Variants in ATP2A2 observed in about 807,000 individuals in gnomAD.
ATP2A2 encodes ATPase sarcoplasmic/endoplasmic reticulum Ca2+ transporting 2.
Under a neutral mutation model 109.3 loss-of-function variants are expected in ATP2A2, and 14 were observed. That is an observed-to-expected ratio of 0.13 (90% confidence interval 0.08 to 0.20). The LOEUF (loss-of-function observed/expected upper bound fraction) is 0.20, where lower values mean the gene tolerates loss of function less well. ATP2A2 is among the 10% of genes least tolerant of loss of function. The pLI, the probability that ATP2A2 is intolerant of heterozygous loss-of-function variation, is 1.00. For synonymous variants in ATP2A2, 506 were observed against 490.9 expected, an observed-to-expected ratio of 1.03 and a Z score of -0.41; for missense variants, 657 against 1,321.6, an observed-to-expected ratio of 0.50 and a Z score of 7.80.
intron 5 of ATP2A2, among the ~76,000 whole-genome samples, chr12:110,318,635 G>A (rs1876917741): frequency 1.3e-5 from 2 of 152,054 alleles, no homozygotes; most frequent in East Asian, 1.9e-4. Flanking sequence ...CACCACACCC[G>A]GCTAATTTTT....
intron 4 of ATP2A2, among the ~76,000 whole-genome samples, chr12:110,294,471 C>A (rs1873744335): frequency 6.6e-6 from 1 of 152,014 alleles, no homozygotes; most frequent in African/African-American, 2.4e-5. Context: ...ACCAGCCTGG[C>A]CAACATGGCA....
intron 5 of ATP2A2, among the ~76,000 whole-genome samples, chr12:110,321,554 G>A (rs1877247752): frequency 1.3e-5 from 2 of 152,034 alleles, no homozygotes; most frequent in South Asian, 2.1e-4. Flanking sequence ...CACTGCAACC[G>A]TCTGAGTAGC....
At chr12:110,311,361 G>A (rs534177976) in intron 5 of ATP2A2, among the ~76,000 whole-genome samples, 2 of 152,158 alleles carry the variant, frequency 1.3e-5, no homozygotes, top group South Asian at 2.1e-4. Flanking sequence ...AGGCGGAGGC[G>A]GGTGGATCAC....
In ATP2A2 at chr12:110,340,553, A is replaced by G. The variant is rs1214912411; in HGVS notation, c.1762-106A>G. 6.9e-6 allele frequency: 9 copies of G among 1,297,708 alleles called. No homozygotes were observed. The highest frequency in any genetic ancestry group is 9.7e-6 in the Non-Finnish European group (9 of 924,306). 80.4% of individuals were successfully genotyped at this position (1,297,708 alleles called of 1,614,324 possible). A position where few individuals can be genotyped will look rare whatever the true frequency, so the allele number is the denominator to read the frequency against. On this transcript the variant is annotated intron_variant, in intron 13 of 19. Transcript: ENST00000539276. The surrounding 1 kb of genome is among the most constrained non-coding windows in gnomAD (Gnocchi z 6.0). ...AACTCCGCCTCAAAAAAAAAAAAAGAAAAAAAATGCAGAAACCTGTCTCAA... is the reference window on the plus strand; with the variant it reads ...AACTCCGCCTCAAAAAAAAAAAAAGGAAAAAAATGCAGAAACCTGTCTCAA...
At chr12:110,326,319 A>G in intron 6 of ATP2A2, 71 bp from the exon 7 acceptor site, 5 of 1,387,896 alleles carry the variant, frequency 3.6e-6, no homozygotes, top group Non-Finnish European at 5.1e-6. Context: ...ATGGGTGGGC[A>G]TGAATGAGAG....
At position 110,347,683 on chromosome 12, in the gene ATP2A2, G is replaced by T; in HGVS notation, c.*1213G>T. ...CACTAACCACCACCACCGTTACTAC[G>T]ATCAATGTTTGCGCATGTTCGAGAT... is the stretch of plus-strand genomic sequence containing the variant. On this transcript the variant is annotated 3_prime_UTR_variant, in exon 20 of 20. Transcript: ENST00000539276. 8.5e-7 allele frequency: 1 copy of T among 1,169,928 alleles called. No individual in the cohort carries two copies. Among genetic ancestry groups the T allele is most frequent in the Non-Finnish European group, 1.1e-6 (1 of 931,874 alleles). The allele number at this position is 1,169,928 out of a possible 1,614,324, so 72.5% of individuals were successfully genotyped here. A position where few individuals can be genotyped will look rare whatever the true frequency, so the allele number is the denominator to read the frequency against.
At position 110,347,426 on chromosome 12, in the gene ATP2A2, G is replaced by C. The variant is rs889880809; in HGVS notation, c.*956G>C. ...TCAGAACTTTAGTTGTACTCTGCTT[G>C]AGGGGAAGAAGGCTCCTGCTCTGCT... On this transcript the variant is annotated 3_prime_UTR_variant, in exon 20 of 20. Transcript: ENST00000539276. The C allele has an allele frequency of 7.8e-7, 1 of 1,289,068 alleles. No homozygotes were observed. The highest frequency in any genetic ancestry group is 1.0e-6 in the Non-Finnish European group (1 of 988,692). The allele number at this position is 1,289,068 out of a possible 1,614,324, so 79.9% of individuals were successfully genotyped here.
rs1566243365 is a variant in ATP2A2, at chr12:110,346,190, C to T, written c.2860-11C>T. Reference sequence around the variant, plus strand: ...AGGCTGGAGGCGTGACACGTCTTCCCTGTGTGTCAGCTCATCTTCCAGATC... The same window carrying T: ...AGGCTGGAGGCGTGACACGTCTTCCTTGTGTGTCAGCTCATCTTCCAGATC... On this transcript the variant is annotated splice_polypyrimidine_tract_variant and intron_variant, in intron 19 of 19. Coordinates refer to ENST00000539276, the MANE Select transcript of ATP2A2 (RefSeq NM_170665.4). 1 of 1,614,054 alleles carries T rather than the reference C, an allele frequency of 6.2e-7. No individual in the cohort carries two copies. Among genetic ancestry groups the T allele is most frequent in the Non-Finnish European group, 8.5e-7 (1 of 1,180,044 alleles).
chr12:110,338,422 G>A (rs900643524), intron 11 of ATP2A2, among the ~76,000 whole-genome samples: 2 of 152,160 alleles, frequency 1.3e-5, no homozygotes, highest in Admixed American at 1.3e-4. Context: ...TTAAGTCAGT[G>A]TCATTATACT....
rs1878464731 is a variant in ATP2A2, at chr12:110,332,697, T to C, written c.1184+12T>C. 1 of 1,587,058 alleles carries C rather than the reference T, an allele frequency of 6.3e-7. No individual in the cohort carries two copies. The highest frequency in any genetic ancestry group is 1.1e-5 in the South Asian group (1 of 90,520). Reference sequence around the variant, plus strand: ...CCTATTGGAGAAGTGTGAGTAACCCTCCTCCTCATTTAAAGGATCTGGTGT... The same window carrying C: ...CCTATTGGAGAAGTGTGAGTAACCCCCCTCCTCATTTAAAGGATCTGGTGT... On this transcript the variant is annotated intron_variant, in intron 9 of 19. Transcript: ENST00000539276.
At position 110,342,837 on chromosome 12, in the gene ATP2A2, C is replaced by G. The variant is rs1879484690; in HGVS notation, c.2318+389C>G. On this transcript the variant is annotated intron_variant, in intron 15 of 19. Transcript: ENST00000539276. This position sits in a 1 kb window ranked among gnomAD's most constrained non-coding sequence, Gnocchi z 4.6. Reference sequence around the variant, plus strand: ...GTGGCACGATCTCAGCTCACTGTCCCCTCCACCTCCTGGGTTCAAGCCTCC... The same window carrying G: ...GTGGCACGATCTCAGCTCACTGTCCGCTCCACCTCCTGGGTTCAAGCCTCC... Among the ~76,000 whole-genome samples the G allele has an allele frequency of 6.6e-6, 1 of 152,140 alleles. No individual in the cohort carries two copies. The highest frequency in any genetic ancestry group is 1.5e-5 in the Non-Finnish European group (1 of 68,026).
chr12:110,342,451 A>G lies in ATP2A2; in HGVS notation c.2318+3A>G, dbSNP rs201126870. On this transcript the variant is annotated splice_donor_region_variant and intron_variant, in intron 15 of 19. Coordinates refer to ENST00000539276, the MANE Select transcript of ATP2A2 (RefSeq NM_170665.4). This position sits in a 1 kb window ranked among gnomAD's most constrained non-coding sequence, Gnocchi z 4.6. ...TCCAACGTCGGGGAAGTTGTCTGGT[A>G]GGTCTCTGTGACAGCATCACTTACT... The G allele has an allele frequency of 6.1e-4, 989 of 1,612,922 alleles. 1 individual carries two copies. The highest frequency in any genetic ancestry group is 8.1e-4 in the Non-Finnish European group (956 of 1,179,846).
rs398021049 is a variant in ATP2A2 at position 110,293,870 on chromosome 12, A to ATT, written c.324+1770_324+1771dup. Among the ~76,000 whole-genome samples, 357 of 73,304 alleles carry ATT rather than the reference A, an allele frequency of 4.9e-3. 27 individuals are homozygous for ATT. The highest frequency in any genetic ancestry group is 0.021 in the African/African-American group (342 of 16,190). 48.1% of individuals were successfully genotyped at this position (73,304 alleles called of 152,430 possible). A position where few individuals can be genotyped will look rare whatever the true frequency, so the allele number is the denominator to read the frequency against. On this transcript the variant is annotated intron_variant, in intron 4 of 19. Transcript: ENST00000539276. ...TGTGTGTGTGTGTGTGTGTGTATAT[A>ATT]TTTTTTTTTTTTTTTTTTTTTTTTT...
At chr12:110,291,397 GGTT>G (rs1873277624) in intron 3 of ATP2A2, among the ~76,000 whole-genome samples, 1 of 151,422 alleles carries the variant, frequency 6.6e-6, no homozygotes, top group African/African-American at 2.4e-5. Context: ...GTAGAGACGG[GGTT>G]TCGCCATGTC....
chr12:110,314,719 A>G (rs1459325312), intron 5 of ATP2A2, among the ~76,000 whole-genome samples: 1 of 152,224 alleles, frequency 6.6e-6, no homozygotes, highest in Non-Finnish European at 1.5e-5. Context: ...TACCTGGTCT[A>G]GAAATAATAG....
chr12:110,333,707 C>G (rs545987257), intron 10 of ATP2A2, among the ~76,000 whole-genome samples: 9 of 152,268 alleles, frequency 5.9e-5, no homozygotes, highest in Admixed American at 4.6e-4. Flanking sequence ...TGTGAAGGCA[C>G]TCTTTGAATT....
At chr12:110,294,854 C>A (rs1188775319) in intron 4 of ATP2A2, among the ~76,000 whole-genome samples, 1 of 152,080 alleles carries the variant, frequency 6.6e-6, no homozygotes, top group Non-Finnish European at 1.5e-5. Context: ...GAGTCTCGCT[C>A]TGTCAACCAG....
chr12:110,289,123 G>A (rs1872985322), intron 3 of ATP2A2, among the ~76,000 whole-genome samples: 1 of 152,180 alleles, frequency 6.6e-6, no homozygotes, highest in Non-Finnish European at 1.5e-5. Context: ...CTAGCTATCA[G>A]GGGATGTTGC....
At chr12:110,326,300 A>G (rs911673041) in intron 6 of ATP2A2, 90 bp from the exon 7 acceptor site, 3 of 1,188,166 alleles carry the variant, frequency 2.5e-6, no homozygotes, top group Non-Finnish European at 3.7e-6. Flanking sequence ...CAGTATCCCA[A>G]GAGTGGTAAT....
Sources: gnomAD v4.1 joint callset for allele counts (sites outside exome capture counted in the v4.1 genomes callset) on GRCh38, gnomAD v4.1.1 for gene constraint, Gnocchi (gnomAD v3.1) non-coding constraint, MANE v1.5 for transcripts, NCBI Gene and HGNC (gene_info 2026-07-23, HGNC 2026-07-21) for gene names.